The following INCA1 variants were observed in gnomAD, a reference collection of about 807,000 sequenced individuals.
INCA1 encodes the protein protein INCA1.
Under a neutral mutation model 25.7 loss-of-function variants are expected in INCA1, and 28 were observed. That is an observed-to-expected ratio of 1.09 (90% CI 0.81 to 1.49). INCA1 has a LOEUF of 1.49. Among genes scored for constraint, INCA1 ranks in the 40% most tolerant of loss-of-function variants. INCA1 has a pLI of 0.00. For synonymous variants in INCA1, 111 were observed against 103.6 expected, an observed-to-expected ratio of 1.07 and a Z score of -0.43; for missense variants, 309 against 290.9, an observed-to-expected ratio of 1.06 and a Z score of -0.45.
chr17:4,989,462 C>T (rs774522811), exon 5 of INCA1: 1 of 1,614,158 alleles, frequency 6.2e-7, no homozygotes, highest in South Asian at 1.1e-5. Context: ...CTTAGGTCCT[C>T]CAGGTGGTAA....
intron 2 of INCA1, among the ~76,000 whole-genome samples, chr17:4,992,649 TCC>T (rs888510662): frequency 1.0e-5 from 1 of 96,742 alleles, no homozygotes; most frequent in Non-Finnish European, 2.5e-5. Context: ...TCCCCTCCCC[TCC>T]CCTCTTTTCC....
At chr17:4,991,110 G>T (rs924792311) in intron 2 of INCA1, among the ~76,000 whole-genome samples, 1 of 151,562 alleles carries the variant, frequency 6.6e-6, no homozygotes, top group African/African-American at 2.4e-5. Context: ...TAGAGACGGG[G>T]TTTTGCCATG....
intron 1 of INCA1, among the ~76,000 whole-genome samples, chr17:4,995,404 A>G (rs1020520384): frequency 6.6e-6 from 1 of 152,334 alleles, no homozygotes; most frequent in South Asian, 2.1e-4. Flanking sequence ...TTGAAAAATG[A>G]TGACAGTGGA....
chr17:4,988,787 T>C (rs745558500), exon 6 of INCA1: 1 of 1,614,168 alleles, frequency 6.2e-7, no homozygotes, highest in Admixed American at 1.7e-5. Context: ...ACCTGGGCCC[T>C]GCCAGGAGTG....
intron 2 of INCA1, among the ~76,000 whole-genome samples, chr17:4,993,500 G>C (rs1039878973): frequency 2.0e-5 from 3 of 150,470 alleles, no homozygotes; most frequent in African/African-American, 7.3e-5. Flanking sequence ...ACGGAGTCTC[G>C]CTTTGTCACT....
intron 2 of INCA1, among the ~76,000 whole-genome samples, chr17:4,992,338 A>T (rs1215340497): frequency 6.6e-6 from 1 of 152,134 alleles, no homozygotes; most frequent in Non-Finnish European, 1.5e-5. Context: ...GCTGGAGTGC[A>T]GTGACCCAAT....
chr17:4,996,122 C>T (rs766779615), intron 1 of INCA1, among the ~76,000 whole-genome samples: 3 of 151,940 alleles, frequency 2.0e-5, no homozygotes, highest in Non-Finnish European at 2.9e-5. Context: ...CACTGGCTCA[C>T]GCCTGTAATC....
At chr17:4,990,060 C>G in intron 3 of INCA1, 92 bp downstream of exon 3, 1 of 1,611,290 alleles carries the variant, frequency 6.2e-7, no homozygotes, top group Admixed American at 1.7e-5. Context: ...GGGAAATTAA[C>G]CGCAGACTAG....
intron 4 of INCA1, 101 bp from the exon 5 acceptor site, chr17:4,989,725 C>G (rs937137625): frequency 1.3e-6 from 2 of 1,552,334 alleles, no homozygotes; most frequent in Non-Finnish European, 1.8e-6. Context: ...TGGGAAGACC[C>G]CTGTGATCTC....
chr17:4,996,666 C>CAAAAAAAAAA lies in INCA1; in HGVS notation c.-39+327_-39+336dup, dbSNP rs35732129. ...TGGGCAACAGAGCAAGACTCCGTCTCAAAAAAAAAAAAAAAAAAAAAAAAA... is the reference window on the plus strand; with the variant it reads ...TGGGCAACAGAGCAAGACTCCGTCTCAAAAAAAAAAAAAAAAAAAAAAAAAAAAAAAAAAA... On this transcript the variant is annotated intron_variant, in intron 1 of 6. Coordinates refer to ENST00000576820, the Ensembl canonical transcript of INCA1. Among the ~76,000 whole-genome samples the CAAAAAAAAAA allele has an allele frequency of 1.4e-4, 7 of 51,800 alleles. 1 individual carries two copies. Among genetic ancestry groups the CAAAAAAAAAA allele is most frequent in the Non-Finnish European group, 2.1e-4 (7 of 33,214 alleles). 34.0% of individuals were successfully genotyped at this position (51,800 alleles called of 152,430 possible). A position where few individuals can be genotyped will look rare whatever the true frequency, so the allele number is the denominator to read the frequency against.
At chr17:4,988,913 C>T in exon 6 of INCA1, 1 of 1,614,150 alleles carries the variant, frequency 6.2e-7, no homozygotes, top group Non-Finnish European at 8.5e-7. Context: ...TCAGATGCAG[C>T]CCCAGAGCTG....
At chr17:4,990,351 T>C (rs1973788186) in intron 2 of INCA1, 86 bp from the exon 3 acceptor site, 4 of 1,471,602 alleles carry the variant, frequency 2.7e-6, no homozygotes, top group Admixed American at 2.4e-5. Flanking sequence ...CATCTTTCCA[T>C]GGGACTATAA....
chr17:4,989,535 T>G, exon 5 of INCA1: 1 of 1,614,224 alleles, frequency 6.2e-7, no homozygotes, highest in South Asian at 1.1e-5. Flanking sequence ...CTTCCAAACA[T>G]GGCCTCCTCT....
chr17:4,993,798 G>T (rs1356908245), intron 2 of INCA1, among the ~76,000 whole-genome samples: 1 of 108,158 alleles, frequency 9.2e-6, no homozygotes. Flanking sequence ...TTGAGATGGA[G>T]TCTTGTTCTG....
At chr17:4,994,620 T>C (rs568669018) in intron 1 of INCA1, 145 bp from the exon 2 acceptor site, 1 of 588,412 alleles carries the variant, frequency 1.7e-6, no homozygotes, top group African/African-American at 1.9e-5. Context: ...TGAAACCCCA[T>C]CTCTGCTAAA....
At chr17:4,994,607 T>C (rs764157911) in intron 1 of INCA1, 132 bp from the exon 2 acceptor site, 27 of 613,014 alleles carry the variant, frequency 4.4e-5, no homozygotes, top group South Asian at 4.4e-4. Context: ...CTGGCCAATA[T>C]AGTGAAACCC....
chr17:4,994,615 C>A (rs959436785), intron 1 of INCA1, 140 bp from the exon 2 acceptor site: 25 of 596,288 alleles, frequency 4.2e-5, no homozygotes, highest in Non-Finnish European at 1.2e-5. Context: ...TATAGTGAAA[C>A]CCCATCTCTG....
chr17:4,994,203 G>A (rs1360922754), intron 2 of INCA1, among the ~76,000 whole-genome samples, 191 bp downstream of exon 2: 1 of 152,196 alleles, frequency 6.6e-6, no homozygotes, highest in Admixed American at 6.5e-5. Context: ...TGAATCCCCA[G>A]TGCCTAATAC....
In INCA1 at chr17:4,989,418, C is replaced by A; in HGVS notation, c.395+10G>T. ...ATGACTCCCAGAACCCAGATGTCTC[C>A]CTTCCTTACTCGTTGATGATGCTCT... On this transcript the variant is annotated intron_variant, in intron 5 of 6. Transcript: ENST00000576820. The A allele has an allele frequency of 6.2e-7, 1 of 1,608,586 alleles. No individual in the cohort carries two copies. The highest frequency in any genetic ancestry group is 1.7e-5 in the Admixed American group (1 of 59,624).
Sources: gnomAD v4.1 joint callset for allele counts (sites outside exome capture counted in the v4.1 genomes callset) on GRCh38, gnomAD v4.1.1 for gene constraint, MANE v1.5 for transcripts, NCBI Gene and HGNC (gene_info 2026-07-23, HGNC 2026-07-21) for gene names.